Variants in ST18 observed in about 807,000 individuals in gnomAD.
The protein encoded by ST18 is ST18 C2H2C-type zinc finger transcription factor.
Under a neutral mutation model 110.0 loss-of-function variants are expected in ST18, and 50 were observed. The ratio of observed to expected loss-of-function variants is 0.45; its 90% CI spans 0.36 to 0.58. The LOEUF (loss-of-function observed/expected upper bound fraction) is 0.58, where lower values mean the gene tolerates loss of function less well. Among genes scored for constraint, ST18 ranks in the 20% least tolerant of loss-of-function variants. ST18 has a pLI of 0.00. For synonymous variants in ST18, 461 were observed against 452.4 expected, an observed-to-expected ratio of 1.02 and a Z score of -0.24; for missense variants, 1,306 against 1,280.1, an observed-to-expected ratio of 1.02 and a Z score of -0.31.
At chr8:52,142,152 T>C (rs576991871) in intron 17 of ST18, among the ~76,000 whole-genome samples, 1 of 152,196 alleles carries the variant, frequency 6.6e-6, no homozygotes, top group Admixed American at 6.5e-5. Context: ...GGGAGGTCCC[T>C]GGAGATCGGT....
chr8:52,166,080 G>A (rs1241468477), intron 11 of ST18, among the ~76,000 whole-genome samples: 1 of 152,182 alleles, frequency 6.6e-6, no homozygotes, highest in Non-Finnish European at 1.5e-5. Flanking sequence ...GAGGCCAGGA[G>A]GACCATGGTG....
In ST18 at chr8:52,402,926, G is replaced by C. The variant is rs1277390725; in HGVS notation, c.-465+6402C>G. Among the ~76,000 whole-genome samples, 6 of 152,234 alleles carry C rather than the reference G, an allele frequency of 3.9e-5. No individual in the cohort carries two copies. In the East Asian group the frequency reaches 1.2e-3, roughly 29 times the overall value. On this transcript the variant is annotated intron_variant, in intron 2 of 25. Coordinates refer to ENST00000689386, the MANE Select transcript of ST18 (RefSeq NM_001352837.2). ...ACTATGGGGTGTGGCTGCTCTGCTG[G>C]GCTGGGATCCAGGAACCTGAAGAGC...
At chr8:52,124,753 C>T (rs888939791) in intron 23 of ST18, among the ~76,000 whole-genome samples, 8 of 152,214 alleles carry the variant, frequency 5.3e-5, no homozygotes, top group East Asian at 1.9e-4. Flanking sequence ...TCTGCATGTA[C>T]ACTCCCCTCC....
At chr8:52,191,639 T>A (rs9643469) in intron 8 of ST18, among the ~76,000 whole-genome samples, 6,171 of 152,118 alleles carry the variant, frequency 0.041, 162 homozygotes, top group East Asian at 0.083. Flanking sequence ...AGCATCTGAG[T>A]TCAGTGTGAA....
intron 2 of ST18, among the ~76,000 whole-genome samples, chr8:52,242,614 T>C (rs1336468604): frequency 1.3e-5 from 2 of 152,266 alleles, no homozygotes; most frequent in African/African-American, 4.8e-5. Flanking sequence ...CGAGGCAGAT[T>C]GATCACTTGA....
At chr8:52,185,861 C>A (rs1313240028) in intron 8 of ST18, among the ~76,000 whole-genome samples, 2 of 152,104 alleles carry the variant, frequency 1.3e-5, no homozygotes, top group Non-Finnish European at 2.9e-5. Context: ...AATATCTTCA[C>A]GACCTTGGGG....
At chr8:52,216,071 T>C (rs1393279827) in intron 6 of ST18, among the ~76,000 whole-genome samples, 4 of 152,234 alleles carry the variant, frequency 2.6e-5, no homozygotes, top group Admixed American at 2.0e-4. Flanking sequence ...CTCTGAAGAA[T>C]TGCCCAAAAG....
chr8:52,279,582 C>T (rs778010157), intron 2 of ST18, among the ~76,000 whole-genome samples: 144 of 152,212 alleles, frequency 9.5e-4, no homozygotes, highest in Non-Finnish European at 1.5e-3. Context: ...TCTAAACCTG[C>T]ATACAAGACA....
intron 2 of ST18, among the ~76,000 whole-genome samples, chr8:52,292,354 A>G (rs938086015): frequency 6.6e-6 from 1 of 152,124 alleles, no homozygotes; most frequent in African/African-American, 2.4e-5. Context: ...AGACAAACAG[A>G]ACTGGTTACA....
chr8:52,342,633 G>T (rs1815649343), intron 2 of ST18, among the ~76,000 whole-genome samples: 1 of 152,194 alleles, frequency 6.6e-6, no homozygotes, highest in African/African-American at 2.4e-5. Flanking sequence ...CCAGGGGCCT[G>T]CAAGAAGCAC....
At chr8:52,227,346 A>C (rs2089845667) in intron 3 of ST18, among the ~76,000 whole-genome samples, 2 of 152,180 alleles carry the variant, frequency 1.3e-5, no homozygotes, top group South Asian at 4.1e-4. Context: ...AGGAAGTTGA[A>C]TATTACAATA....
chr8:52,387,499 G>T (rs1837293636), intron 2 of ST18, among the ~76,000 whole-genome samples: 1 of 152,014 alleles, frequency 6.6e-6, no homozygotes, highest in Non-Finnish European at 1.5e-5. Flanking sequence ...GTTTGTCTCT[G>T]CTTGACTTTG....
intron 2 of ST18, among the ~76,000 whole-genome samples, chr8:52,320,723 C>T (rs1803515736): frequency 6.6e-6 from 1 of 152,132 alleles, no homozygotes; most frequent in Non-Finnish European, 1.5e-5. Context: ...CAGAACAAAG[C>T]AGCTCAGGCA....
intron 2 of ST18, among the ~76,000 whole-genome samples, chr8:52,350,390 A>G (rs1377889712): frequency 6.6e-6 from 1 of 152,114 alleles, no homozygotes; most frequent in Non-Finnish European, 1.5e-5. Context: ...TCTCCTGTGT[A>G]CAAATATGCA....
chr8:52,377,320 C>T (rs1036728424), intron 2 of ST18, among the ~76,000 whole-genome samples: 12 of 152,278 alleles, frequency 7.9e-5, no homozygotes, highest in African/African-American at 2.9e-4. Context: ...TGATTTAGTA[C>T]AACACAACCT....
At chr8:52,355,405 AGTT>A (rs2140365646) in intron 2 of ST18, among the ~76,000 whole-genome samples, 1 of 152,298 alleles carries the variant, frequency 6.6e-6, no homozygotes, top group African/African-American at 2.4e-5. Context: ...GCCAAAATGT[AGTT>A]GTTTGCAAGA....
At chr8:52,334,529 T>C (rs1811154041) in intron 2 of ST18, among the ~76,000 whole-genome samples, 1 of 152,200 alleles carries the variant, frequency 6.6e-6, no homozygotes, top group Admixed American at 6.5e-5. Flanking sequence ...GATACTGAAC[T>C]TTTATTTAGT....
intron 2 of ST18, among the ~76,000 whole-genome samples, chr8:52,270,948 A>G (rs560992566): frequency 1.6e-3 from 249 of 151,412 alleles, no homozygotes; most frequent in Middle Eastern, 0.01. Context: ...TCTGTCACCC[A>G]GGCTGGAGGG....
chr8:52,378,042 T>C (rs1346449732), intron 2 of ST18, among the ~76,000 whole-genome samples: 1 of 152,114 alleles, frequency 6.6e-6, no homozygotes, highest in Admixed American at 6.6e-5. Flanking sequence ...CACTTATTCG[T>C]GGGAGATAAA....
Sources: gnomAD v4.1 joint callset for allele counts (sites outside exome capture counted in the v4.1 genomes callset) on GRCh38, gnomAD v4.1.1 for gene constraint, MANE v1.5 for transcripts, NCBI Gene and HGNC (gene_info 2026-07-23, HGNC 2026-07-21) for gene names.